ENTREP2: variants seen among roughly 807,000 people sequenced by gnomAD.
ENTREP2 encodes the protein endosomal transmembrane epsin interactor 2, also known as protein ENTREP2.
the ENTREP2 span, among the ~76,000 whole-genome samples, chr15:29,152,657 G>A: frequency 1.3e-5 from 2 of 152,222 alleles, no homozygotes; most frequent in African/African-American, 2.4e-5. Flanking sequence ...GTACCACATT[G>A]GTTTAATCCT....
chr15:29,212,110 C>CT, the ENTREP2 span, among the ~76,000 whole-genome samples: 4,380 of 151,910 alleles, frequency 0.029, 221 homozygotes, highest in African/African-American at 0.1. Context: ...TGGTCCTGGA[C>CT]TTTTTTTTGT....
the ENTREP2 span, among the ~76,000 whole-genome samples, chr15:29,331,830 C>T: frequency 1.3e-5 from 2 of 152,156 alleles, no homozygotes; most frequent in East Asian, 3.9e-4. Context: ...AAGGCAGGCA[C>T]CCGACAGACC....
At chr15:29,320,765 C>T in the ENTREP2 span, among the ~76,000 whole-genome samples, 27 of 152,144 alleles carry the variant, frequency 1.8e-4, no homozygotes, top group African/African-American at 6.0e-4. Context: ...CATAAGTAGA[C>T]CAGACACAGC....
chr15:29,205,475 A>G, the ENTREP2 span, among the ~76,000 whole-genome samples: 1 of 152,042 alleles, frequency 6.6e-6, no homozygotes, highest in Non-Finnish European at 1.5e-5. Context: ...ATCCTCACCA[A>G]CACTTATTTT....
the ENTREP2 span, among the ~76,000 whole-genome samples, chr15:29,371,478 T>A: frequency 6.6e-6 from 1 of 151,896 alleles, no homozygotes; most frequent in Non-Finnish European, 1.5e-5. Context: ...GATGGCCTGA[T>A]ATTGAGTGGG....
At chr15:29,128,653 C>G in the ENTREP2 span, 1 of 740,070 alleles carries the variant, frequency 1.4e-6, no homozygotes, top group South Asian at 1.5e-5. Context: ...GCAAACTCCA[C>G]CCTCTTAAAG....
At chr15:29,431,606 A>G in the ENTREP2 span, among the ~76,000 whole-genome samples, 1 of 152,176 alleles carries the variant, frequency 6.6e-6, no homozygotes, top group Non-Finnish European at 1.5e-5. Context: ...TTTTCTTAAA[A>G]TTATTTTTAG....
At chr15:29,318,259 GTC>G in the ENTREP2 span, among the ~76,000 whole-genome samples, 1 of 152,150 alleles carries the variant, frequency 6.6e-6, no homozygotes, top group Non-Finnish European at 1.5e-5. Flanking sequence ...CTCACTTCAT[GTC>G]TCTCTGTCGG....
the ENTREP2 span, among the ~76,000 whole-genome samples, chr15:29,286,321 A>C: frequency 5.9e-5 from 9 of 152,244 alleles, no homozygotes; most frequent in Non-Finnish European, 7.3e-5. Flanking sequence ...GAATTTATCA[A>C]AGTAGCTCGA....
At chr15:29,630,342 A>C in the ENTREP2 span, among the ~76,000 whole-genome samples, 1 of 152,134 alleles carries the variant, frequency 6.6e-6, no homozygotes. Flanking sequence ...TGTCATTCAA[A>C]TCATTGTTCC....
chr15:29,290,869 G>A, the ENTREP2 span, among the ~76,000 whole-genome samples: 3 of 152,202 alleles, frequency 2.0e-5, no homozygotes, highest in Admixed American at 1.3e-4. Context: ...TGAAGCTGAG[G>A]AGGCCGATGG....
the ENTREP2 span, among the ~76,000 whole-genome samples, chr15:29,139,299 C>G: frequency 6.6e-6 from 1 of 152,178 alleles, no homozygotes; most frequent in South Asian, 2.1e-4. Flanking sequence ...CTGGCTGGAC[C>G]GACCCACGGC....
the ENTREP2 span, among the ~76,000 whole-genome samples, chr15:29,340,245 T>C: frequency 6.6e-6 from 1 of 152,224 alleles, no homozygotes; most frequent in Non-Finnish European, 1.5e-5. Flanking sequence ...GGTTTTGTAG[T>C]GGCATGAAGA....
the ENTREP2 span, among the ~76,000 whole-genome samples, chr15:29,507,046 A>G: frequency 6.6e-6 from 1 of 152,110 alleles, no homozygotes; most frequent in African/African-American, 2.4e-5. Context: ...GCTCAAAATA[A>G]AGGGACGGAG....
the ENTREP2 span, among the ~76,000 whole-genome samples, chr15:29,525,161 T>G: frequency 0.026 from 3,939 of 152,260 alleles, 151 homozygotes; most frequent in African/African-American, 0.088. Context: ...TCAGTAAGAA[T>G]GTAAAATGAA....
At chr15:29,123,396 G>A in the ENTREP2 span, 15 of 1,548,024 alleles carry the variant, frequency 9.7e-6, no homozygotes, top group East Asian at 4.9e-5. Flanking sequence ...GGCGCTCCTC[G>A]TTGGTGACAG....
chr15:29,466,860 G>A, the ENTREP2 span, among the ~76,000 whole-genome samples: 7 of 140,454 alleles, frequency 5.0e-5, no homozygotes, highest in Non-Finnish European at 1.1e-4. Context: ...GGGCCCAGGG[G>A]AGGATGCTGC....
At chr15:29,314,850 G>C in the ENTREP2 span, among the ~76,000 whole-genome samples, 1 of 152,122 alleles carries the variant, frequency 6.6e-6, no homozygotes, top group African/African-American at 2.4e-5. Flanking sequence ...TCAGGAGTTT[G>C]AGACGATCCT....
chr15:29,642,635 A>G, the ENTREP2 span, among the ~76,000 whole-genome samples: 1 of 150,700 alleles, frequency 6.6e-6, no homozygotes, highest in Non-Finnish European at 1.5e-5. Context: ...TTTTTTTGAG[A>G]CGGTGTTTTG....
Sources: gnomAD v4.1 joint callset for allele counts (sites outside exome capture counted in the v4.1 genomes callset) on GRCh38, gnomAD v4.1.1 for gene constraint, MANE v1.5 for transcripts, NCBI Gene and HGNC (gene_info 2026-07-23, HGNC 2026-07-21) for gene names.